The following NCK2 variants were observed in gnomAD, a reference collection of about 807,000 sequenced individuals.
NCK2 encodes cytoplasmic protein NCK2.
Under a neutral mutation model 33.9 loss-of-function variants are expected in NCK2, and 16 were observed. The ratio of observed to expected loss-of-function variants is 0.47; its 90% CI spans 0.32 to 0.72. The LOEUF is 0.72. NCK2 is among the 30% of genes least tolerant of loss of function. The pLI, the probability that NCK2 is intolerant of heterozygous loss-of-function variation, is 0.03. For missense variants in NCK2, 418 were observed against 537.3 expected (o/e 0.78, Z 2.19); for synonymous variants, 273 against 239.9 (o/e 1.14, Z -1.27).
intron 2 of NCK2, among the ~76,000 whole-genome samples, chr2:105,845,181 GA>G (rs1484215031): frequency 6.6e-6 from 1 of 152,158 alleles, no homozygotes; most frequent in Non-Finnish European, 1.5e-5. Flanking sequence ...GAACTAAAAT[GA>G]TTTTAGTAGC....
intron 2 of NCK2, chr2:105,853,963 A>G (rs1252715877): frequency 1.3e-5 from 2 of 152,208 alleles, no homozygotes; most frequent in Non-Finnish European, 2.9e-5. Context: ...TTCCAGCTAG[A>G]GCACCTTAGC....
At chr2:105,881,177 T>G in intron 3 of NCK2, 151 bp from the exon 4 acceptor site, 1 of 1,109,888 alleles carries the variant, frequency 9.0e-7, no homozygotes. Context: ...CAACCGTATT[T>G]TTCTCATGGT....
chr2:105,828,793 C>T (rs923444844), intron 2 of NCK2, among the ~76,000 whole-genome samples: 1 of 152,208 alleles, frequency 6.6e-6, no homozygotes, highest in African/African-American at 2.4e-5. Context: ...ATGCTCTCTA[C>T]AGGGAAGGAC....
At chr2:105,860,602 A>G (rs949164677) in intron 3 of NCK2, among the ~76,000 whole-genome samples, 1 of 152,148 alleles carries the variant, frequency 6.6e-6, no homozygotes, top group African/African-American at 2.4e-5. Flanking sequence ...ACAGGACTCA[A>G]GCATCTCCAC....
chr2:105,750,637 G>T (rs1689428017), intron 1 of NCK2, among the ~76,000 whole-genome samples: 1 of 152,232 alleles, frequency 6.6e-6, no homozygotes, highest in South Asian at 2.1e-4. Context: ...AAGCCTTGGT[G>T]CTGGCCTTCC....
chr2:105,835,228 G>T (rs1020950375), intron 2 of NCK2, among the ~76,000 whole-genome samples: 3 of 150,758 alleles, frequency 2.0e-5, no homozygotes, highest in East Asian at 3.9e-4. Context: ...CAAATGTAGG[G>T]TTTCCTTAAG....
rs919479658 is a variant in NCK2, at chr2:105,881,431, C to T, written c.330C>T (p.Tyr110=). The part of the protein sequence containing the change: ...PANGSGADRI[Y]DLNIPAFVKF... ...ATGGCAGCGGCGCCGACCGCATCTA[C>T]GACCTCAACATCCCGGCCTTCGTCA... is the stretch of plus-strand genomic sequence containing the variant. The change falls in exon 4 of 5, where the codon TAC becomes TAT. Residue 110 remains tyrosine (Y), a synonymous_variant. Coordinates refer to ENST00000233154, the MANE Select transcript of NCK2 (RefSeq NM_003581.5). The T allele has an allele frequency of 6.2e-7, 1 of 1,613,376 alleles. No individual in the cohort carries two copies. Among genetic ancestry groups the T allele is most frequent in the Non-Finnish European group, 8.5e-7 (1 of 1,179,972 alleles).
chr2:105,873,370 G>T (rs1678094024), intron 3 of NCK2, among the ~76,000 whole-genome samples: 1 of 152,120 alleles, frequency 6.6e-6, no homozygotes, highest in Non-Finnish European at 1.5e-5. Flanking sequence ...GGTCTGTGAG[G>T]CCTAATGGAT....
At chr2:105,867,134 A>T (rs17210439) in intron 3 of NCK2, among the ~76,000 whole-genome samples, 2,042 of 152,354 alleles carry the variant, frequency 0.013, 29 homozygotes, top group Middle Eastern at 0.031. Flanking sequence ...CATAAGGGGA[A>T]GAAAATTCAG....
chr2:105,892,920 AT>A (rs776040750), intron 4 of NCK2, 61 bp from the exon 5 acceptor site: 339 of 1,384,924 alleles, frequency 2.4e-4, no homozygotes, highest in Non-Finnish European at 3.3e-4. Flanking sequence ...AGAGATGTGG[AT>A]GGATTTAGAC....
intron 1 of NCK2, among the ~76,000 whole-genome samples, chr2:105,768,643 T>G (rs556560990): frequency 1.2e-4 from 19 of 152,354 alleles, no homozygotes; most frequent in Non-Finnish European, 2.5e-4. Flanking sequence ...ACACAAATAC[T>G]TAAACTTTCT....
chr2:105,767,512 C>G (rs1399319380), intron 1 of NCK2, among the ~76,000 whole-genome samples: 1 of 152,228 alleles, frequency 6.6e-6, no homozygotes, highest in Non-Finnish European at 1.5e-5. Context: ...TGGACCAAAT[C>G]CAGTTCACCT....
chr2:105,872,462 T>C (rs144983673), intron 3 of NCK2, among the ~76,000 whole-genome samples: 225 of 152,302 alleles, frequency 1.5e-3, no homozygotes, highest in Admixed American at 3.1e-3. Context: ...GAAAGAGACA[T>C]GCTCAGGGAG....
At chr2:105,886,825 C>T (rs186263966) in intron 4 of NCK2, among the ~76,000 whole-genome samples, 33 of 152,298 alleles carry the variant, frequency 2.2e-4, no homozygotes, top group African/African-American at 6.0e-4. Flanking sequence ...GGACAGGGAA[C>T]GCTCCGTTTG....
At chr2:105,862,822 TGCACTAAAAGAA>T (rs1245311365) in intron 3 of NCK2, among the ~76,000 whole-genome samples, 1 of 152,222 alleles carries the variant, frequency 6.6e-6, no homozygotes, top group East Asian at 1.9e-4. Context: ...AATTTTCCTG[TGCACTAAAAGAA>T]GCAGACATAT....
At chr2:105,883,074 A>G (rs1678573721) in intron 4 of NCK2, among the ~76,000 whole-genome samples, 1 of 152,046 alleles carries the variant, frequency 6.6e-6, no homozygotes, top group Non-Finnish European at 1.5e-5. Flanking sequence ...TTGAGGACGG[A>G]GCATCGTGGT....
intron 1 of NCK2, among the ~76,000 whole-genome samples, chr2:105,772,087 G>C (rs1690153235): frequency 6.6e-6 from 1 of 152,148 alleles, no homozygotes; most frequent in Non-Finnish European, 1.5e-5. Flanking sequence ...GCTCAGCCGA[G>C]GGCAGTGTCT....
At position 105,892,000 on chromosome 2, in the gene NCK2, G is replaced by C. The variant is rs369271463; in HGVS notation, c.949-982G>C. Reference sequence around the variant, plus strand: ...ATATTGTGAACTATGTTTAAAATGCGACCGGAATTTTCCACTGCTGTTCAT... The same window carrying C: ...ATATTGTGAACTATGTTTAAAATGCCACCGGAATTTTCCACTGCTGTTCAT... On this transcript the variant is annotated intron_variant, in intron 4 of 4. Coordinates refer to ENST00000233154, the MANE Select transcript of NCK2 (RefSeq NM_003581.5). Among the ~76,000 whole-genome samples the C allele has an allele frequency of 5.9e-5, 9 of 151,980 alleles. 1 individual carries two copies. The highest frequency in any genetic ancestry group is 5.9e-4 in the Admixed American group (9 of 15,268).
At position 105,796,767 on chromosome 2, in the gene NCK2, A is replaced by G. The variant is rs564627153; in HGVS notation, c.-200-19663A>G. Among the ~76,000 whole-genome samples the G allele has an allele frequency of 8.8e-4, 134 of 152,354 alleles. 1 individual carries two copies. Among genetic ancestry groups the G allele is most frequent in the African/African-American group, 3.1e-3 (130 of 41,580 alleles). On this transcript the variant is annotated intron_variant, in intron 1 of 4. Transcript: ENST00000233154. ...AATTAAATGAATTGGAAAAATAACTAAGCATTTCTCTTTGACGCAGGTAAA... is the reference window on the plus strand; with the variant it reads ...AATTAAATGAATTGGAAAAATAACTGAGCATTTCTCTTTGACGCAGGTAAA...
Sources: allele counts gnomAD v4.1 joint callset (sites outside exome capture counted in the v4.1 genomes callset), GRCh38; gene constraint gnomAD v4.1.1; transcripts MANE v1.5; gene names NCBI Gene and HGNC (gene_info 2026-07-23, HGNC 2026-07-21).